Variants in CEP68 observed in about 807,000 individuals in gnomAD.
CEP68 encodes the protein centrosomal protein 68, also known as centrosomal protein of 68 kDa.
Under a neutral mutation model 55.3 loss-of-function variants are expected in CEP68, and 26 were observed. That is an observed-to-expected ratio of 0.47 (90% CI 0.34 to 0.65). CEP68 has a LOEUF of 0.65. Among genes scored for constraint, CEP68 ranks in the 30% least tolerant of loss-of-function variants. The pLI is 0.01. For missense variants in CEP68, 957 were observed against 946.7 expected (o/e 1.01, Z -0.14); for synonymous variants, 402 against 383.2 (o/e 1.05, Z -0.57).
chr2:65,078,979 G>A (rs1676889721), intron 5 of CEP68, among the ~76,000 whole-genome samples: 1 of 152,258 alleles, frequency 6.6e-6, no homozygotes, highest in Non-Finnish European at 1.5e-5. Context: ...CATGGGGGAT[G>A]AGGATATGAT....
intron 1 of CEP68, among the ~76,000 whole-genome samples, chr2:65,066,992 G>C (rs1253109623): frequency 6.6e-6 from 1 of 150,954 alleles, no homozygotes; most frequent in Non-Finnish European, 1.5e-5. Context: ...GTATTGCTTA[G>C]GAATGAGCCC....
intron 1 of CEP68, among the ~76,000 whole-genome samples, chr2:65,057,738 T>C (rs1675705186): frequency 6.6e-6 from 1 of 152,132 alleles, no homozygotes; most frequent in African/African-American, 2.4e-5. Flanking sequence ...CTTGAGCGAG[T>C]TATTCTTACA....
rs1175632431 is a variant in CEP68, at chr2:65,084,678, A to G, written c.*1044A>G. On this transcript the variant is annotated 3_prime_UTR_variant, in exon 7 of 7. Transcript: ENST00000377990. Reference sequence around the variant, plus strand: ...AATGAACCTGGAAGGAGGAAAGCACAGTAACAATGGAAACTAAAGTCCTAT... The same window carrying G: ...AATGAACCTGGAAGGAGGAAAGCACGGTAACAATGGAAACTAAAGTCCTAT... 2.0e-5 allele frequency: 3 copies of G among 152,242 alleles called. No individual in the cohort carries two copies. The highest frequency in any genetic ancestry group is 4.4e-5 in the Non-Finnish European group (3 of 68,038). 9.4% of individuals were successfully genotyped at this position (152,242 alleles called of 1,614,324 possible).
intron 2 of CEP68, 86 bp downstream of exon 2, chr2:65,069,887 C>A: frequency 8.4e-7 from 1 of 1,187,608 alleles, no homozygotes. Flanking sequence ...TGCATCCTTT[C>A]CTTGCTACTG....
At chr2:65,058,812 T>A (rs1675777070) in intron 1 of CEP68, among the ~76,000 whole-genome samples, 2 of 152,134 alleles carry the variant, frequency 1.3e-5, no homozygotes, top group South Asian at 4.1e-4. Context: ...CAGCCTGATG[T>A]CTGATTTTTA....
At chr2:65,069,914 G>A in intron 2 of CEP68, 113 bp downstream of exon 2, 1 of 967,620 alleles carries the variant, frequency 1.0e-6, no homozygotes, top group Non-Finnish European at 1.6e-6. Context: ...GTGAGGAATT[G>A]GAGGGGCCTG....
rs1197918650 is a variant in CEP68 at position 65,072,315 on chromosome 2, A to G, written c.1219A>G (p.Arg407Gly). 1 of 1,613,856 alleles carries G rather than the reference A, an allele frequency of 6.2e-7. No homozygotes were observed. Among genetic ancestry groups the G allele is most frequent in the African/African-American group, 1.3e-5 (1 of 74,896 alleles). ...LASTPRAPGS[R>G]DARWERREPA... ...ATCTACCCCCAGAGCCCCAGGCAGT[A>G]GGGATGCTCGTTGGGAGCGCAGAGA... The change falls in exon 3 of 7, where the codon AGG becomes GGG. Residue 407 changes from arginine to glycine, a missense_variant. Arg to Gly is a moderately radical substitution (Grantham distance 125). Transcript: ENST00000377990.
chr2:65,075,640 T>C (rs1676724591), intron 4 of CEP68, among the ~76,000 whole-genome samples: 1 of 152,202 alleles, frequency 6.6e-6, no homozygotes. Flanking sequence ...ATAAATTATA[T>C]AGTTGTCATC....
chr2:65,068,510 C>CCTAT (rs1676304960), intron 1 of CEP68, among the ~76,000 whole-genome samples: 1 of 152,214 alleles, frequency 6.6e-6, no homozygotes, highest in Admixed American at 6.5e-5. Context: ...TGCAGCATAA[C>CCTAT]CCAGGCCAGC....
rs780243689 is a variant in CEP68 at position 65,071,875 on chromosome 2, C to A, written c.779C>A (p.Ser260Tyr). Residue 260 changes from serine to tyrosine, a missense_variant, in exon 3 of 7, where the codon TCT (serine) becomes TAT (tyrosine). Physicochemically the swap from Ser to Tyr is moderately radical, Grantham distance 144 (BLOSUM62 -2). Coordinates refer to ENST00000377990, the MANE Select transcript of CEP68 (RefSeq NM_015147.3). Reference sequence around the variant, plus strand: ...CCTGTGTTCTCTGGGGGTGATGCTTCTGGGCTAGGCAGGAGACGCCTCTCC... The same window carrying A: ...CCTGTGTTCTCTGGGGGTGATGCTTATGGGCTAGGCAGGAGACGCCTCTCC... ...PQPVFSGGDA[S>Y]GLGRRRLSFQ... is the part of the protein sequence containing the mutation. 1 of 1,610,104 alleles carries A rather than the reference C, an allele frequency of 6.2e-7. No individual in the cohort carries two copies. Among genetic ancestry groups the A allele is most frequent in the South Asian group, 1.1e-5 (1 of 90,534 alleles).
Position 65,074,264 on chromosome 2 carries a change from TTTTA to T in CEP68, c.1885-14_1885-11del. On this transcript the variant is annotated splice_polypyrimidine_tract_variant and intron_variant, in intron 3 of 6. Coordinates refer to ENST00000377990, the MANE Select transcript of CEP68 (RefSeq NM_015147.3). Reference sequence around the variant, plus strand: ...GTTCGATCAGTAACACCATGTGTCCTTTTATTTGTCTCTGCAGACATTTTGCTGT... The same window carrying T: ...GTTCGATCAGTAACACCATGTGTCCTTTTGTCTCTGCAGACATTTTGCTGT... 1.9e-6 allele frequency: 3 copies of T among 1,613,374 alleles called. No homozygotes were observed. Among genetic ancestry groups the T allele is most frequent in the South Asian group, 1.1e-5 (1 of 91,062 alleles).
chr2:65,074,380 C>T lies in CEP68; in HGVS notation c.1983C>T (p.Leu661=). 6.2e-7 allele frequency: 1 copy of T among 1,614,180 alleles called. No homozygotes were observed. The highest frequency in any genetic ancestry group is 2.2e-5 in the East Asian group (1 of 44,884). The stretch of plus-strand genomic sequence containing the variant: ...CAGCCAGGTCCAATCTTACAAGTCT[C>T]AAGTCTTCTCTGCAGCTTTACCGGG... ...GTAARSNLTS[L]KSSLQLYRQF... Residue 661 remains leucine (L), a synonymous_variant, in exon 4 of 7, where the codon CTC becomes CTT. Transcript: ENST00000377990.
Position 65,071,919 on chromosome 2 carries a change from G to T in CEP68, c.823G>T (p.Ala275Ser). The part of the protein sequence containing the change: ...RRLSFQAEYW[A>S]CVLPDSLPPS... ...CCTCTCCTTCCAGGCTGAGTACTGG[G>T]CCTGTGTGCTGCCAGATTCCCTGCC... The change falls in exon 3 of 7, where the codon GCC becomes TCC. Residue 275 changes from alanine (A) to serine (S), a missense_variant. By Grantham distance (99) the Ala-to-Ser change is moderately conservative (BLOSUM62 1). Transcript: ENST00000377990. 6.2e-7 allele frequency: 1 copy of T among 1,613,090 alleles called. No individual in the cohort carries two copies.
At chr2:65,056,855 C>T (rs944541076) in intron 1 of CEP68, among the ~76,000 whole-genome samples, 1 of 152,146 alleles carries the variant, frequency 6.6e-6, no homozygotes, top group African/African-American at 2.4e-5. Context: ...GTCCGCGCAT[C>T]TGGCGGCCGA....
Position 65,084,655 on chromosome 2 carries a change from T to C in CEP68, c.*1021T>C, listed in dbSNP as rs1478139482. ...TTTTAAAGTTCTGTTGGGCCATGAA[T>C]GAACCTGGAAGGAGGAAAGCACAGT... is the stretch of plus-strand genomic sequence containing the variant. On this transcript the variant is annotated 3_prime_UTR_variant, in exon 7 of 7. Coordinates refer to ENST00000377990, the MANE Select transcript of CEP68 (RefSeq NM_015147.3). The C allele has an allele frequency of 6.6e-6, 1 of 152,212 alleles. No individual in the cohort carries two copies. The highest frequency in any genetic ancestry group is 1.9e-4 in the East Asian group (1 of 5,204). 9.4% of individuals were successfully genotyped at this position (152,212 alleles called of 1,614,324 possible). A position where few individuals can be genotyped will look rare whatever the true frequency, so the allele number is the denominator to read the frequency against.
rs961814509 is a variant in CEP68 at position 65,084,719 on chromosome 2, T to C, written c.*1085T>C. 3 of 152,228 alleles carry C rather than the reference T, an allele frequency of 2.0e-5. No individual in the cohort carries two copies. Among genetic ancestry groups the C allele is most frequent in the African/African-American group, 7.2e-5 (3 of 41,456 alleles). 9.4% of individuals were successfully genotyped at this position (152,228 alleles called of 1,614,324 possible). ...AAAGTCCTATTATTAATGTGACTTT[T>C]CTGCTTCAGAATTTCTGAGACTTTA... On this transcript the variant is annotated 3_prime_UTR_variant, in exon 7 of 7. Transcript: ENST00000377990.
intron 4 of CEP68, among the ~76,000 whole-genome samples, chr2:65,077,620 C>A (rs1676826127): frequency 6.6e-6 from 1 of 152,176 alleles, no homozygotes; most frequent in African/African-American, 2.4e-5. Context: ...GTGAGCCAGC[C>A]TCTGTCAGGG....
chr2:65,058,497 CTTTTTTTTTTTT>C (rs34477880), intron 1 of CEP68, among the ~76,000 whole-genome samples: 2 of 75,682 alleles, frequency 2.6e-5, no homozygotes, highest in Non-Finnish European at 4.6e-5. Context: ...GATTTTTTTC[CTTTTTTTTTTTT>C]TTTTTTTTTT....
chr2:65,065,990 C>T (rs1183780916), intron 1 of CEP68, among the ~76,000 whole-genome samples: 2 of 151,636 alleles, frequency 1.3e-5, no homozygotes, highest in Non-Finnish European at 2.9e-5. Flanking sequence ...TTATGATTTA[C>T]CTGCTTACTC....
Sources: allele counts gnomAD v4.1 joint callset (sites outside exome capture counted in the v4.1 genomes callset), GRCh38; gene constraint gnomAD v4.1.1; transcripts MANE v1.5; gene names NCBI Gene and HGNC (gene_info 2026-07-23, HGNC 2026-07-21).